The following AGTPBP1 variants were observed in gnomAD, a reference collection of about 807,000 sequenced individuals.
AGTPBP1 encodes ATP/GTP binding carboxypeptidase 1.
Under a neutral mutation model 143.9 loss-of-function variants are expected in AGTPBP1, and 70 were observed. That is an observed-to-expected ratio of 0.49 (90% CI 0.40 to 0.59). The LOEUF (loss-of-function observed/expected upper bound fraction) is 0.59. Ranked by LOEUF, AGTPBP1 falls within the 20% of genes least tolerant of loss-of-function variation. The pLI is 0.00. For missense variants in AGTPBP1, 1,229 were observed against 1,464.5 expected (o/e 0.84, Z 2.62); for synonymous variants, 463 against 500.2 (o/e 0.93, Z 0.99).
intron 9 of AGTPBP1, among the ~76,000 whole-genome samples, chr9:85,660,390 A>G (rs1052283972): frequency 6.6e-6 from 1 of 152,218 alleles, no homozygotes; most frequent in Non-Finnish European, 1.5e-5. Flanking sequence ...TTACTCTCCA[A>G]AAGCATAAGA....
the AGTPBP1 span, among the ~76,000 whole-genome samples, chr9:85,775,246 G>A: frequency 7.2e-5 from 11 of 152,136 alleles, no homozygotes; most frequent in African/African-American, 1.7e-4. Context: ...TGAGCCTGCA[G>A]TGGCTGTGGT....
At chr9:85,682,726 T>G (rs900302082) in intron 3 of AGTPBP1, among the ~76,000 whole-genome samples, 1 of 152,142 alleles carries the variant, frequency 6.6e-6, no homozygotes, top group Non-Finnish European at 1.5e-5. Context: ...GAACAACAGA[T>G]AGTGAGGCCC....
chr9:85,589,118 C>A (rs926967764), intron 20 of AGTPBP1, among the ~76,000 whole-genome samples: 2 of 152,012 alleles, frequency 1.3e-5, no homozygotes, highest in African/African-American at 4.8e-5. Context: ...ATATAAATGG[C>A]AGGGAAAAAT....
intron 2 of AGTPBP1, among the ~76,000 whole-genome samples, chr9:85,696,477 G>A (rs879271645): frequency 3.0e-4 from 45 of 152,074 alleles, no homozygotes; most frequent in Non-Finnish European, 6.2e-4. Flanking sequence ...AGACCAGCCT[G>A]GTCAACACGG....
rs1407215565 is a variant in AGTPBP1 at position 85,678,415 on chromosome 9, G to A, written c.226-17C>T. ...TTTTGTGTTCTGAAATAAATAGTTT[G>A]TTTTATTAAAACATTGTAAACTTTT... On this transcript the variant is annotated splice_polypyrimidine_tract_variant and intron_variant, in intron 4 of 25. Coordinates refer to ENST00000357081, the MANE Select transcript of AGTPBP1 (RefSeq NM_001330701.2). 10 of 1,512,162 alleles carry A rather than the reference G, an allele frequency of 6.6e-6. No individual in the cohort carries two copies. The highest frequency in any genetic ancestry group is 1.4e-5 in the African/African-American group (1 of 72,114). 93.7% of individuals were successfully genotyped at this position (1,512,162 alleles called of 1,614,324 possible).
chr9:85,719,389 G>A (rs941078433), intron 1 of AGTPBP1, among the ~76,000 whole-genome samples: 16 of 152,154 alleles, frequency 1.1e-4, no homozygotes, highest in Admixed American at 1.0e-3. Context: ...CACAACCCTT[G>A]TATGTTGGAT....
intron 24 of AGTPBP1, among the ~76,000 whole-genome samples, chr9:85,578,380 G>A (rs200954481): frequency 2.0e-5 from 3 of 152,194 alleles, no homozygotes; most frequent in East Asian, 3.8e-4. Flanking sequence ...AGAGGCCAAG[G>A]CAGGAGGACT....
chr9:85,736,005 G>C (rs1823743487), intron 1 of AGTPBP1, among the ~76,000 whole-genome samples: 1 of 152,194 alleles, frequency 6.6e-6, no homozygotes, highest in African/African-American at 2.4e-5. Flanking sequence ...AATTAAGTGA[G>C]AAATGAGCAG....
At chr9:85,614,180 T>C (rs1830479479) in intron 17 of AGTPBP1, among the ~76,000 whole-genome samples, 1 of 152,064 alleles carries the variant, frequency 6.6e-6, no homozygotes, top group Non-Finnish European at 1.5e-5. Context: ...TGTACCCCTT[T>C]AATTTAAACA....
chr9:85,712,335 T>C (rs553118230), intron 2 of AGTPBP1, among the ~76,000 whole-genome samples, 167 bp downstream of exon 2: 15 of 152,296 alleles, frequency 9.8e-5, no homozygotes, highest in African/African-American at 3.6e-4. Flanking sequence ...AGTTTGCTGA[T>C]TCCAATTTTA....
chr9:85,605,272 C>G (rs1295773174), intron 17 of AGTPBP1, among the ~76,000 whole-genome samples: 1 of 152,092 alleles, frequency 6.6e-6, no homozygotes, highest in Non-Finnish European at 1.5e-5. Context: ...CAAAGGAACT[C>G]CAATATATCT....
At position 85,615,072 on chromosome 9, in the gene AGTPBP1, T is replaced by C. The variant is rs1343104055; in HGVS notation, c.2335+3911A>G. On this transcript the variant is annotated intron_variant, in intron 17 of 25. Coordinates refer to ENST00000357081, the MANE Select transcript of AGTPBP1 (RefSeq NM_001330701.2). The stretch of plus-strand genomic sequence containing the variant: ...AAATTCATCAACGACACTTTAAAAC[T>C]CTTTGGAGAACGAATGAATTTAGTT... Among the ~76,000 whole-genome samples, 2 of 152,124 alleles carry C rather than the reference T, an allele frequency of 1.3e-5. 1 individual carries two copies. The highest frequency in any genetic ancestry group is 3.8e-4 in the East Asian group (2 of 5,196).
Position 85,596,887 on chromosome 9 carries a change from A to G in AGTPBP1, c.2336-438T>C, listed in dbSNP as rs113203854. On this transcript the variant is annotated intron_variant, in intron 17 of 25. Coordinates refer to ENST00000357081, the MANE Select transcript of AGTPBP1 (RefSeq NM_001330701.2). ...CTTTCCTCCCCACCGTTCTCCATAC[A>G]TATATGTGTTTGTAGGAGAGAAAAC... Among the ~76,000 whole-genome samples, 45 of 152,228 alleles carry G rather than the reference A, an allele frequency of 3.0e-4. 1 individual carries two copies. Among genetic ancestry groups the G allele is most frequent in the African/African-American group, 1.1e-3 (44 of 41,570 alleles).
chr9:85,637,134 C>T (rs1311357685), intron 13 of AGTPBP1, among the ~76,000 whole-genome samples: 3 of 151,490 alleles, frequency 2.0e-5, no homozygotes, highest in South Asian at 2.1e-4. Context: ...CTCCAGCTCC[C>T]GGGATTAAGC....
At chr9:85,790,415 C>T in the AGTPBP1 span, among the ~76,000 whole-genome samples, 42 of 152,110 alleles carry the variant, frequency 2.8e-4, no homozygotes, top group Non-Finnish European at 5.0e-4. Context: ...TTGACTGCTG[C>T]GATTCCTTCC....
intron 2 of AGTPBP1, among the ~76,000 whole-genome samples, chr9:85,699,961 A>G (rs1445550210): frequency 6.6e-6 from 1 of 152,238 alleles, no homozygotes; most frequent in South Asian, 2.1e-4. Context: ...AGATTTAGAG[A>G]GAAGAGCGGC....
At chr9:85,606,204 T>TA (rs1829979019) in intron 17 of AGTPBP1, among the ~76,000 whole-genome samples, 1 of 151,590 alleles carries the variant, frequency 6.6e-6, no homozygotes, top group African/African-American at 2.4e-5. Flanking sequence ...AACTCAATAG[T>TA]AAAAAATAAT....
intron 2 of AGTPBP1, among the ~76,000 whole-genome samples, chr9:85,696,343 A>C (rs1322767063): frequency 6.6e-6 from 1 of 152,194 alleles, no homozygotes; most frequent in Non-Finnish European, 1.5e-5. Flanking sequence ...GGTGATATTA[A>C]CAAATATAAT....
In AGTPBP1 at chr9:85,569,592, T is replaced by C. The variant is rs936347530; in HGVS notation, c.3503+5723A>G. 5.3e-5 allele frequency among the ~76,000 whole-genome samples: 8 copies of C among 152,246 alleles called. No individual in the cohort carries two copies. In the East Asian group the frequency reaches 1.5e-3, roughly 29 times the overall value. On this transcript the variant is annotated intron_variant, in intron 25 of 25. Coordinates refer to ENST00000357081, the MANE Select transcript of AGTPBP1 (RefSeq NM_001330701.2). ...TCCCTCATTCCCCTTATTTACTCTATCTGTATTATATGAAAAACAAAACAA... is the reference window on the plus strand; with the variant it reads ...TCCCTCATTCCCCTTATTTACTCTACCTGTATTATATGAAAAACAAAACAA...
Sources: allele counts gnomAD v4.1 joint callset (sites outside exome capture counted in the v4.1 genomes callset), GRCh38; gene constraint gnomAD v4.1.1; transcripts MANE v1.5; gene names NCBI Gene and HGNC (gene_info 2026-07-23, HGNC 2026-07-21).